Variants in ADCK2 observed in about 807,000 individuals in gnomAD.
ADCK2 encodes the protein aarF domain containing kinase 2.
Under a neutral mutation model 52.3 loss-of-function variants are expected in ADCK2, and 37 were observed. That is an observed-to-expected ratio of 0.71 (90% confidence interval 0.54 to 0.93). The LOEUF (loss-of-function observed/expected upper bound fraction) is 0.93. Among genes scored for constraint, ADCK2 ranks in the 40% least tolerant of loss-of-function variants. ADCK2 has a pLI of 0.00. For missense variants in ADCK2, 695 were observed against 798.7 expected, an observed-to-expected ratio of 0.87 and a Z score of 1.56; for synonymous variants, 321 against 349.2, an observed-to-expected ratio of 0.92 and a Z score of 0.90.
Position 140,673,943 on chromosome 7 carries a change from C to CCT in ADCK2, c.614_615dup (p.Val206LeufsTer46), listed in dbSNP as rs1429290600. The CCT allele has an allele frequency of 6.2e-7, 1 of 1,613,896 alleles. No individual in the cohort carries two copies. ...CATCCTCTCTTTTGAGAACCGGGAACCTGTGGGCTCAGGCTGCGTGGCCCA... is the reference window on the plus strand; with the variant it reads ...CATCCTCTCTTTTGAGAACCGGGAACCTCTGTGGGCTCAGGCTGCGTGGCCCA... On this transcript the variant is annotated frameshift_variant, in exon 1 of 8. Transcript: ENST00000072869. LOFTEE classifies it high-confidence loss of function. The surrounding 1 kb of genome is among the most constrained non-coding windows in gnomAD (Gnocchi z 6.4).
rs1794773313 is a variant in ADCK2, at chr7:140,694,874, T to C, written c.*71T>C. ...TCCCAAGAGCCTCTCCTATGGCAGC[T>C]GGGACGTTTTAAAATTGGGACACCA... On this transcript the variant is annotated 3_prime_UTR_variant, in exon 8 of 8. Coordinates refer to ENST00000072869, the MANE Select transcript of ADCK2 (RefSeq NM_052853.4). The C allele has an allele frequency of 6.6e-7, 1 of 1,516,922 alleles. No homozygotes were observed. 94.0% of individuals were successfully genotyped at this position (1,516,922 alleles called of 1,614,324 possible).
chr7:140,676,178 T>C (rs1488618091), intron 2 of ADCK2, among the ~76,000 whole-genome samples: 1 of 152,180 alleles, frequency 6.6e-6, no homozygotes. Context: ...GGCCCCACTT[T>C]CTGGTTCATA....
chr7:140,679,554 TG>T (rs1305591822), intron 3 of ADCK2, among the ~76,000 whole-genome samples: 6 of 151,570 alleles, frequency 4.0e-5, no homozygotes, highest in African/African-American at 1.5e-4. Flanking sequence ...CAGGAGTAAA[TG>T]ACACACTGAA....
rs1255085857 is a variant in ADCK2, at chr7:140,673,181, G to A, written c.-150G>A. The A allele has an allele frequency of 2.0e-6, 1 of 511,866 alleles. No individual in the cohort carries two copies. Among genetic ancestry groups the A allele is most frequent in the African/African-American group, 2.0e-5 (1 of 50,206 alleles). The allele number at this position is 511,866 out of a possible 1,614,324, so 31.7% of individuals were successfully genotyped here. ...GCGGGCCTCCGGCCTGAGGCCCGGCGAGGTGCTGGAGGGAGCGGGGCGCGG... is the reference window on the plus strand; with the variant it reads ...GCGGGCCTCCGGCCTGAGGCCCGGCAAGGTGCTGGAGGGAGCGGGGCGCGG... On this transcript the variant is annotated 5_prime_UTR_variant, in exon 1 of 8. Transcript: ENST00000072869. This position sits in a 1 kb window ranked among gnomAD's most constrained non-coding sequence, Gnocchi z 6.4.
chr7:140,675,125 C>T (rs1341021579), intron 2 of ADCK2, among the ~76,000 whole-genome samples: 1 of 152,046 alleles, frequency 6.6e-6, no homozygotes, highest in Non-Finnish European at 1.5e-5. Flanking sequence ...TGCCTGTAAT[C>T]CCAGCTACTC....
intron 4 of ADCK2, 45 bp downstream of exon 4, chr7:140,681,182 C>T (rs1209695591): frequency 1.3e-6 from 2 of 1,582,010 alleles, no homozygotes; most frequent in Admixed American, 1.7e-5. Flanking sequence ...ATGTGGTCAG[C>T]TTGCAGATGG....
Position 140,679,201 on chromosome 7 carries a change from A to C in ADCK2, c.1127A>C (p.Asn376Thr). 6.2e-7 allele frequency: 1 copy of C among 1,613,998 alleles called. No homozygotes were observed. Among genetic ancestry groups the C allele is most frequent in the Non-Finnish European group, 8.5e-7 (1 of 1,179,968 alleles). Residue 376 changes from asparagine (N) to threonine (T), a missense_variant, in exon 3 of 8, where the codon AAC (asparagine) becomes ACC (threonine). Asn to Thr is a moderately conservative substitution (Grantham distance 65). Transcript: ENST00000072869. ...EAQNLEHFQV[N>T]FRNVKAVKFP... is the part of the protein sequence containing the mutation. The stretch of plus-strand genomic sequence containing the variant: ...CAGAATCTAGAACACTTCCAGGTCA[A>C]CTTCCGGAATGTGAAAGCCGTCAAG...
rs765258600 is a variant in ADCK2 at position 140,673,587 on chromosome 7, G to A, written c.257G>A (p.Arg86Gln). 1.1e-5 allele frequency: 18 copies of A among 1,605,618 alleles called. No homozygotes were observed. The highest frequency in any genetic ancestry group is 1.4e-5 in the Non-Finnish European group (17 of 1,179,334). The change falls in exon 1 of 8, where the codon CGA (arginine) becomes CAA (glutamine). Residue 86 changes from arginine to glutamine, a missense_variant. Arg to Gln is a conservative substitution (Grantham distance 43, BLOSUM62 1). Coordinates refer to ENST00000072869, the MANE Select transcript of ADCK2 (RefSeq NM_052853.4). This position sits in a 1 kb window ranked among gnomAD's most constrained non-coding sequence, Gnocchi z 6.4. ...AGAGPAESLP[R>Q]AGPLGGVFLH... ...GCGGGGCCCGCGGAGAGCCTCCCCC[G>A]AGCGGGACCTCTGGGCGGCGTCTTC...
In ADCK2 at chr7:140,673,147, G is replaced by C. The variant is rs1166734452; in HGVS notation, c.-184G>C. On this transcript the variant is annotated 5_prime_UTR_variant, in exon 1 of 8. Transcript: ENST00000072869. This position sits in a 1 kb window ranked among gnomAD's most constrained non-coding sequence, Gnocchi z 6.4. The stretch of plus-strand genomic sequence containing the variant: ...GGCGCGGCGCGGCGCGGCGGGTGTC[G>C]GGCGGGGCGCGGGCCTCCGGCCTGA... 2 of 327,850 alleles carry C rather than the reference G, an allele frequency of 6.1e-6. No individual in the cohort carries two copies. The highest frequency in any genetic ancestry group is 1.1e-5 in the Non-Finnish European group (2 of 184,982). 20.3% of individuals were successfully genotyped at this position (327,850 alleles called of 1,614,324 possible).
chr7:140,687,874 G>GTT (rs781238437), intron 5 of ADCK2, among the ~76,000 whole-genome samples: 39 of 137,084 alleles, frequency 2.8e-4, no homozygotes, highest in African/African-American at 5.3e-4. Flanking sequence ...TGAGATCTTA[G>GTT]TTTTTTTTTT....
At position 140,674,951 on chromosome 7, in the gene ADCK2, TC is replaced by T. The variant is rs1373757596; in HGVS notation, c.1080+195del. ...GCAACAAATTAATTTTTTGCTTATA[TC>T]AAAGTTCTGGCCGGGCGTGGTGGCT... On this transcript the variant is annotated intron_variant, in intron 2 of 7. Coordinates refer to ENST00000072869, the MANE Select transcript of ADCK2 (RefSeq NM_052853.4). The surrounding 1 kb of genome is among the most constrained non-coding windows in gnomAD (Gnocchi z 4.6). Among the ~76,000 whole-genome samples, 2 of 152,204 alleles carry T rather than the reference TC, an allele frequency of 1.3e-5. No individual in the cohort carries two copies. The highest frequency in any genetic ancestry group is 1.3e-4 in the Admixed American group (2 of 15,282).
Position 140,689,596 on chromosome 7 carries a change from G to C in ADCK2, c.1558-1G>C. ...AGTCCCTTTTCCGTTGCATTTTCCAGGGCCAGAGAGTGGCTGAGCTGATCC... is the reference window on the plus strand; with the variant it reads ...AGTCCCTTTTCCGTTGCATTTTCCACGGCCAGAGAGTGGCTGAGCTGATCC... On this transcript the variant is annotated splice_acceptor_variant, in intron 5 of 7. Coordinates refer to ENST00000072869, the MANE Select transcript of ADCK2 (RefSeq NM_052853.4). LOFTEE classifies it high-confidence loss of function. 1 of 1,594,350 alleles carries C rather than the reference G, an allele frequency of 6.3e-7. No homozygotes were observed. Among genetic ancestry groups the C allele is most frequent in the African/African-American group, 1.3e-5 (1 of 74,250 alleles).
chr7:140,675,587 G>T (rs1794389391), intron 2 of ADCK2, among the ~76,000 whole-genome samples: 1 of 152,202 alleles, frequency 6.6e-6, no homozygotes, highest in Admixed American at 6.5e-5. Context: ...TTGTGGCCAG[G>T]CCTGGAAGTG....
intron 5 of ADCK2, 29 bp from the exon 6 acceptor site, chr7:140,689,568 C>A: frequency 6.3e-7 from 1 of 1,575,444 alleles, no homozygotes; most frequent in South Asian, 1.2e-5. Context: ...TAGCTCCACT[C>A]CAAGTCCCTT....
Position 140,690,824 on chromosome 7 carries a change from T to A in ADCK2, c.1740+11T>A, listed in dbSNP as rs780576250. On this transcript the variant is annotated intron_variant, in intron 7 of 7. Transcript: ENST00000072869. ...CTGATGACTCACAAGGTGAGGGCCA[T>A]TCAGAGGGGAGGTCTCTGGGGAAGG... 4 of 1,613,414 alleles carry A rather than the reference T, an allele frequency of 2.5e-6. No individual in the cohort carries two copies. The South Asian group carries it at 4.4e-5, about 18-fold the overall frequency.
chr7:140,694,996 A>G lies in ADCK2; in HGVS notation c.*193A>G, dbSNP rs920555532. 7.5e-7 allele frequency: 1 copy of G among 1,336,178 alleles called. No homozygotes were observed. The highest frequency in any genetic ancestry group is 9.6e-7 in the Non-Finnish European group (1 of 1,046,046). The allele number at this position is 1,336,178 out of a possible 1,614,324, so 82.8% of individuals were successfully genotyped here. A position where few individuals can be genotyped will look rare whatever the true frequency, so the allele number is the denominator to read the frequency against. On this transcript the variant is annotated 3_prime_UTR_variant, in exon 8 of 8. Coordinates refer to ENST00000072869, the MANE Select transcript of ADCK2 (RefSeq NM_052853.4). ...AAAGCTTTGGGCCAATTAGGGAGTAAAAGGAGGGAAGGGGCCTATCCATTC... is the reference window on the plus strand; with the variant it reads ...AAAGCTTTGGGCCAATTAGGGAGTAGAAGGAGGGAAGGGGCCTATCCATTC...
intron 4 of ADCK2, among the ~76,000 whole-genome samples, chr7:140,682,399 T>C (rs1402056075): frequency 2.0e-5 from 3 of 152,052 alleles, no homozygotes; most frequent in Non-Finnish European, 4.4e-5. Context: ...ATGGTGCTCT[T>C]GGAGAGACGA....
intron 4 of ADCK2, among the ~76,000 whole-genome samples, chr7:140,682,360 C>T (rs1255373788): frequency 6.6e-6 from 1 of 152,078 alleles, no homozygotes; most frequent in Non-Finnish European, 1.5e-5. Context: ...AGAGAATAGC[C>T]TTTGCTGAGG....
chr7:140,679,325 AC>A, intron 3 of ADCK2, 42 bp downstream of exon 3: 1 of 1,608,748 alleles, frequency 6.2e-7, no homozygotes, highest in Non-Finnish European at 8.5e-7. Context: ...TTCACTTGCC[AC>A]TCGCAGTGGG....
Sources: allele counts gnomAD v4.1 joint callset (sites outside exome capture counted in the v4.1 genomes callset), GRCh38; gene constraint gnomAD v4.1.1; non-coding constraint Gnocchi (gnomAD v3.1); transcripts MANE v1.5; gene names NCBI Gene and HGNC (gene_info 2026-07-23, HGNC 2026-07-21).